The following SMAP1 variants were observed in gnomAD, a reference collection of about 807,000 sequenced individuals.
SMAP1 encodes the protein small ArfGAP 1, also known as stromal membrane-associated protein 1.
A neutral mutation model predicts 58.5 loss-of-function variants in SMAP1; 24 were observed. That is an observed-to-expected ratio of 0.41 (90% CI 0.30 to 0.58). The LOEUF (loss-of-function observed/expected upper bound fraction) is 0.58, where lower values mean the gene tolerates loss of function less well. Ranked by LOEUF, SMAP1 falls within the 20% of genes least tolerant of loss-of-function variation. The pLI is 0.29. For synonymous variants in SMAP1, 216 were observed against 196.6 expected (o/e 1.10, Z -0.82); for missense variants, 563 against 566.3 (o/e 0.99, Z 0.06).
intron 7 of SMAP1, among the ~76,000 whole-genome samples, chr6:70,847,224 G>A (rs1328299019): frequency 2.0e-5 from 3 of 152,082 alleles, no homozygotes; most frequent in Non-Finnish European, 4.4e-5. Flanking sequence ...CAAGAGACTG[G>A]CCCTCATGAC....
intron 1 of SMAP1, among the ~76,000 whole-genome samples, chr6:70,669,381 C>T (rs1766170505): frequency 6.6e-6 from 1 of 152,196 alleles, no homozygotes; most frequent in South Asian, 2.1e-4. Flanking sequence ...CAGGTTACTT[C>T]ACTGTCGTAA....
intron 1 of SMAP1, among the ~76,000 whole-genome samples, chr6:70,669,065 T>A (rs1766156905): frequency 6.6e-6 from 1 of 152,192 alleles, no homozygotes. Context: ...TGTTTGGAGA[T>A]CTGATTTATG....
At chr6:70,691,275 G>A (rs1305961256) in intron 1 of SMAP1, among the ~76,000 whole-genome samples, 1 of 151,392 alleles carries the variant, frequency 6.6e-6, no homozygotes, top group Non-Finnish European at 1.5e-5. Flanking sequence ...CTTTTTTGTT[G>A]CCTTTTGGTT....
chr6:70,817,418 A>G (rs1042875054), intron 6 of SMAP1, among the ~76,000 whole-genome samples: 3 of 152,094 alleles, frequency 2.0e-5, no homozygotes, highest in Middle Eastern at 3.2e-3. Flanking sequence ...GGTTTGTATA[A>G]TCATAGTTCC....
chr6:70,832,024 G>T (rs573615707), intron 6 of SMAP1, among the ~76,000 whole-genome samples: 86 of 152,242 alleles, frequency 5.6e-4, no homozygotes, highest in Non-Finnish European at 1.1e-3. Context: ...AATTAGTGAT[G>T]TTGAGCATTT....
chr6:70,676,939 T>C (rs1305886745), intron 1 of SMAP1, among the ~76,000 whole-genome samples: 1 of 151,848 alleles, frequency 6.6e-6, no homozygotes, highest in East Asian at 1.9e-4. Context: ...TGTCACCATG[T>C]ATGGCTAATT....
chr6:70,720,587 C>T (rs1768478834), intron 1 of SMAP1, among the ~76,000 whole-genome samples: 1 of 152,226 alleles, frequency 6.6e-6, no homozygotes, highest in Non-Finnish European at 1.5e-5. Context: ...AGGACCCTGC[C>T]CCTGCAGCAA....
At chr6:70,691,532 A>G (rs1027207559) in intron 1 of SMAP1, among the ~76,000 whole-genome samples, 2 of 152,162 alleles carry the variant, frequency 1.3e-5, no homozygotes, top group African/African-American at 2.4e-5. Flanking sequence ...TGTGTTATCA[A>G]ATACTAGATC....
At chr6:70,847,224 G>C in intron 7 of SMAP1, among the ~76,000 whole-genome samples, 1 of 152,082 alleles carries the variant, frequency 6.6e-6, no homozygotes, top group East Asian at 1.9e-4. Context: ...CAAGAGACTG[G>C]CCCTCATGAC....
At chr6:70,788,767 G>A (rs1768203226) in intron 4 of SMAP1, among the ~76,000 whole-genome samples, 1 of 152,204 alleles carries the variant, frequency 6.6e-6, no homozygotes, top group African/African-American at 2.4e-5. Context: ...AGGTAGAGAT[G>A]ACACTTGTGG....
intron 3 of SMAP1, among the ~76,000 whole-genome samples, chr6:70,757,399 C>T (rs12191219): frequency 0.24 from 36,201 of 151,270 alleles, 5,312 homozygotes; most frequent in Non-Finnish European, 0.33. Context: ...AACGTTAGAC[C>T]TAAAACAATA....
intron 9 of SMAP1, 78 bp from the exon 10 acceptor site, chr6:70,857,844 A>AAT: frequency 6.6e-7 from 1 of 1,516,550 alleles, no homozygotes. Flanking sequence ...TCAGAAAGGC[A>AAT]ATTTTTCTGT....
chr6:70,738,140 G>A (rs987253343), intron 2 of SMAP1, among the ~76,000 whole-genome samples: 2 of 152,140 alleles, frequency 1.3e-5, no homozygotes, highest in Non-Finnish European at 2.9e-5. Flanking sequence ...TAGATGAGGA[G>A]TAGTTTAGAT....
intron 6 of SMAP1, among the ~76,000 whole-genome samples, chr6:70,820,033 G>A (rs568400524): frequency 5.1e-4 from 78 of 152,132 alleles, no homozygotes; most frequent in African/African-American, 1.6e-3. Flanking sequence ...TACTTACCTC[G>A]GTTCTGAGCC....
chr6:70,675,344 T>C (rs1387326192), intron 1 of SMAP1, among the ~76,000 whole-genome samples: 1 of 151,562 alleles, frequency 6.6e-6, no homozygotes, highest in African/African-American at 2.4e-5. Flanking sequence ...GAGCCAGAAA[T>C]TTTTTCATTA....
intron 2 of SMAP1, among the ~76,000 whole-genome samples, chr6:70,753,637 T>C (rs1337443237): frequency 6.6e-6 from 1 of 152,176 alleles, no homozygotes; most frequent in Non-Finnish European, 1.5e-5. Context: ...GCTAACTTCA[T>C]GCTAGTAGCC....
intron 6 of SMAP1, 44 bp from the exon 7 acceptor site, chr6:70,836,897 A>G: frequency 6.9e-7 from 1 of 1,453,070 alleles, no homozygotes; most frequent in Non-Finnish European, 9.2e-7. Context: ...ATCTTGTTAA[A>G]TTTACTTAAG....
At chr6:70,823,521 T>A (rs112450535) in intron 6 of SMAP1, among the ~76,000 whole-genome samples, 5,112 of 152,222 alleles carry the variant, frequency 0.034, 318 homozygotes, top group African/African-American at 0.12. Flanking sequence ...TTCCATCATA[T>A]TTCAAAATAC....
intron 3 of SMAP1, among the ~76,000 whole-genome samples, chr6:70,761,882 A>G (rs530117095): frequency 6.6e-6 from 1 of 152,216 alleles, no homozygotes; most frequent in South Asian, 2.1e-4. Flanking sequence ...ATACTATACT[A>G]AGTGCTTTAT....
Sources: gnomAD v4.1 joint callset for allele counts (sites outside exome capture counted in the v4.1 genomes callset) on GRCh38, gnomAD v4.1.1 for gene constraint, MANE v1.5 for transcripts, NCBI Gene and HGNC (gene_info 2026-07-23, HGNC 2026-07-21) for gene names.